Variants in GALNT17 observed in about 807,000 individuals in gnomAD.
GALNT17 encodes polypeptide N-acetylgalactosaminyltransferase 17.
Under a neutral mutation model 63.7 loss-of-function variants are expected in GALNT17, and 29 were observed. That is an observed-to-expected ratio of 0.46 (90% confidence interval 0.34 to 0.62). The LOEUF is 0.62. GALNT17 is among the 20% of genes least tolerant of loss of function. The pLI is 0.01. For missense variants in GALNT17, 603 were observed against 799.6 expected (o/e 0.75, Z 2.97); for synonymous variants, 305 against 318.3 (o/e 0.96, Z 0.45).
intron 5 of GALNT17, among the ~76,000 whole-genome samples, chr7:71,535,377 T>C (rs953421767): frequency 6.6e-6 from 1 of 152,234 alleles, no homozygotes; most frequent in Non-Finnish European, 1.5e-5. Flanking sequence ...ATCTGCCTTC[T>C]GGATCTGGCA....
rs541041672 is a variant in GALNT17, at chr7:71,682,324, C to T, written c.1500+5018C>T. ...TGTCTGCCTTCTGTGGCCCTGTGGC[C>T]CCCCACCCTCCCCAGCATCTTTAAC... On this transcript the variant is annotated intron_variant, in intron 9 of 10. Transcript: ENST00000333538. Among the ~76,000 whole-genome samples the T allele has an allele frequency of 5.0e-3, 663 of 131,790 alleles. 23 individuals carry two copies. Among genetic ancestry groups the T allele is most frequent in the Admixed American group, 0.036 (449 of 12,322 alleles). 86.5% of individuals were successfully genotyped at this position (131,790 alleles called of 152,430 possible).
chr7:71,421,201 G>C (rs1006191529), intron 5 of GALNT17, 96 bp downstream of exon 5: 3 of 1,351,444 alleles, frequency 2.2e-6, no homozygotes, highest in Admixed American at 4.2e-5. Flanking sequence ...CCTTGGGCTC[G>C]AGCAGCTGTG....
Position 71,132,413 on chromosome 7 carries a change from C to G in GALNT17, c.-390C>G, listed in dbSNP as rs1382630545. On this transcript the variant is annotated 5_prime_UTR_variant, in exon 1 of 11. Coordinates refer to ENST00000333538, the MANE Select transcript of GALNT17 (RefSeq NM_022479.3). ...TGTGCGCCGCTCCCTCTGTGCCTCC[C>G]GGGCAGCCCCGCCTGCCGGCCTCGG... The G allele has an allele frequency of 2.5e-5, 4 of 159,066 alleles. No individual in the cohort carries two copies. Among genetic ancestry groups the G allele is most frequent in the Admixed American group, 6.5e-5 (1 of 15,434 alleles). 9.9% of individuals were successfully genotyped at this position (159,066 alleles called of 1,614,324 possible). A position where few individuals can be genotyped will look rare whatever the true frequency, so the allele number is the denominator to read the frequency against.
chr7:71,600,222 C>T (rs188677560), intron 6 of GALNT17, among the ~76,000 whole-genome samples: 218 of 145,646 alleles, frequency 1.5e-3, no homozygotes, highest in Admixed American at 3.5e-3. Context: ...ATTGAAATTT[C>T]ATGGGAAGGA....
chr7:71,250,404 A>G (rs957333545), intron 1 of GALNT17, among the ~76,000 whole-genome samples: 1 of 152,132 alleles, frequency 6.6e-6, no homozygotes, highest in African/African-American at 2.4e-5. Context: ...GTCACTGCCT[A>G]TTTTACTAAA....
intron 6 of GALNT17, among the ~76,000 whole-genome samples, chr7:71,649,782 C>T (rs1013273796): frequency 2.0e-5 from 3 of 152,208 alleles, no homozygotes; most frequent in Admixed American, 6.5e-5. Context: ...GATTAAAGTG[C>T]ACCTGTGTAC....
intron 5 of GALNT17, among the ~76,000 whole-genome samples, chr7:71,450,138 GAT>G (rs1491515542): frequency 1.3e-4 from 13 of 97,746 alleles, no homozygotes; most frequent in South Asian, 3.4e-4. Context: ...AGTATTTAAA[GAT>G]TTTTTTTTTT....
chr7:71,278,784 G>C (rs1029916672), intron 1 of GALNT17, among the ~76,000 whole-genome samples: 20 of 152,088 alleles, frequency 1.3e-4, no homozygotes, highest in Admixed American at 7.2e-4. Context: ...CCACTCTCAT[G>C]ATTCAATTAC....
At chr7:71,157,151 G>C (rs1013757661) in intron 1 of GALNT17, among the ~76,000 whole-genome samples, 14 of 151,768 alleles carry the variant, frequency 9.2e-5, no homozygotes, top group African/African-American at 3.4e-4. Context: ...TACTTTTCTA[G>C]TCATTTTCTC....
At chr7:71,677,395 C>T (rs1791169034) in intron 9 of GALNT17, 89 bp downstream of exon 9, 2 of 1,273,200 alleles carry the variant, frequency 1.6e-6, no homozygotes, top group African/African-American at 3.0e-5. Context: ...AACTTTGTTG[C>T]TGTCTACCTT....
rs564296690 is a variant in GALNT17, at chr7:71,659,630, T to G, written c.1081-5781T>G. ...CCTGGGTTGTGTGAGACATCACTTCTGCATTCTGTTAATCAGTGCAAGTCA... is the reference window on the plus strand; with the variant it reads ...CCTGGGTTGTGTGAGACATCACTTCGGCATTCTGTTAATCAGTGCAAGTCA... On this transcript the variant is annotated intron_variant, in intron 6 of 10. Transcript: ENST00000333538. 7.9e-5 allele frequency among the ~76,000 whole-genome samples: 12 copies of G among 152,368 alleles called. No individual in the cohort carries two copies. The South Asian group carries it at 2.1e-3, about 26-fold the overall frequency.
At chr7:71,546,304 G>C (rs1788984364) in intron 5 of GALNT17, among the ~76,000 whole-genome samples, 1 of 151,986 alleles carries the variant, frequency 6.6e-6, no homozygotes, top group Non-Finnish European at 1.5e-5. Context: ...GGGACTACAG[G>C]TGTGCACCAC....
intron 5 of GALNT17, among the ~76,000 whole-genome samples, chr7:71,511,036 G>C (rs557399386): frequency 6.6e-6 from 1 of 152,182 alleles, no homozygotes; most frequent in African/African-American, 2.4e-5. Context: ...GATAGAATTA[G>C]CCAGGCATGG....
rs146258333 is a variant in GALNT17 at position 71,161,569 on chromosome 7, T to A, written c.238+28529T>A. ...GCAGGGCAGGTTTTACATTTTTTTA[T>A]GGAGTATTTAAACTTACAAAGTTTT... is the stretch of plus-strand genomic sequence containing the variant. On this transcript the variant is annotated intron_variant, in intron 1 of 10. Transcript: ENST00000333538. Among the ~76,000 whole-genome samples, 418 of 152,318 alleles carry A rather than the reference T, an allele frequency of 2.7e-3. 3 individuals carry two copies. Among genetic ancestry groups the A allele is most frequent in the African/African-American group, 8.7e-3 (361 of 41,582 alleles).
intron 5 of GALNT17, among the ~76,000 whole-genome samples, chr7:71,461,468 G>A (rs1389791128): frequency 6.6e-6 from 1 of 152,136 alleles, no homozygotes; most frequent in African/African-American, 2.4e-5. Flanking sequence ...AAATACAGAA[G>A]TGATAATAGA....
chr7:71,305,269 A>T (rs1268562821), intron 1 of GALNT17, among the ~76,000 whole-genome samples: 1 of 152,080 alleles, frequency 6.6e-6, no homozygotes, highest in East Asian at 1.9e-4. Context: ...TCCCGCCAGT[A>T]CTCCCATTTG....
In GALNT17 at chr7:71,209,025, G is replaced by A. The variant is rs77386313; in HGVS notation, c.238+75985G>A. 1.2e-4 allele frequency among the ~76,000 whole-genome samples: 18 copies of A among 152,282 alleles called. No individual in the cohort carries two copies. The East Asian group carries it at 2.5e-3, about 21-fold the overall frequency. On this transcript the variant is annotated intron_variant, in intron 1 of 10. Coordinates refer to ENST00000333538, the MANE Select transcript of GALNT17 (RefSeq NM_022479.3). ...GCCATATGGTCTCTGTCATAACTAC[G>A]CAACTGTGCCACTGCAGCGTGAAAG...
At chr7:71,512,342 T>G (rs1788374306) in intron 5 of GALNT17, among the ~76,000 whole-genome samples, 1 of 146,002 alleles carries the variant, frequency 6.8e-6, no homozygotes, top group Non-Finnish European at 1.5e-5. Context: ...GAAGTTCCCC[T>G]TCTTTGCTCT....
intron 5 of GALNT17, among the ~76,000 whole-genome samples, chr7:71,529,308 G>C (rs946038214): frequency 6.6e-6 from 1 of 152,014 alleles, no homozygotes; most frequent in Non-Finnish European, 1.5e-5. Flanking sequence ...AAGGGATGGG[G>C]GGGCAATTAG....
Sources: allele counts gnomAD v4.1 joint callset (sites outside exome capture counted in the v4.1 genomes callset), GRCh38; gene constraint gnomAD v4.1.1; transcripts MANE v1.5; gene names NCBI Gene and HGNC (gene_info 2026-07-23, HGNC 2026-07-21).